The following NR2C2 variants were observed in gnomAD, a reference collection of about 807,000 sequenced individuals.
NR2C2 encodes Nuclear hormone receptor TR4.
A neutral mutation model predicts 62.9 loss-of-function variants in NR2C2; 6 were observed. That is an observed-to-expected ratio of 0.10 (90% CI 0.05 to 0.19). The LOEUF is 0.19. Ranked by LOEUF, NR2C2 falls within the 10% of genes least tolerant of loss-of-function variation. The pLI, the probability that NR2C2 is intolerant of heterozygous loss-of-function variation, is 1.00. For missense variants in NR2C2, 479 were observed against 762.7 expected, an observed-to-expected ratio of 0.63 and a Z score of 4.38; for synonymous variants, 272 against 273.8, an observed-to-expected ratio of 0.99 and a Z score of 0.07.
intron 3 of NR2C2, among the ~76,000 whole-genome samples, 183 bp downstream of exon 3, chr3:15,013,972 G>A (rs567919230): frequency 3.9e-5 from 6 of 152,312 alleles, no homozygotes; most frequent in African/African-American, 1.2e-4. Context: ...AGGCCCAGAA[G>A]ACAGTCAACT....
In NR2C2 at chr3:15,012,382, C is replaced by T. The variant is rs540943777; in HGVS notation, c.73-1207C>T. On this transcript the variant is annotated intron_variant, in intron 2 of 13. Transcript: ENST00000425241. Reference sequence around the variant, plus strand: ...CTGGGACTACAGGCGCCCATCACCACGCCCAGCTAATTTTTGTATTTTTAG... The same window carrying T: ...CTGGGACTACAGGCGCCCATCACCATGCCCAGCTAATTTTTGTATTTTTAG... 7.2e-5 allele frequency among the ~76,000 whole-genome samples: 11 copies of T among 152,186 alleles called. No homozygotes were observed. The South Asian group carries it at 1.2e-3, about 17-fold the overall frequency.
chr3:14,999,712 T>C (rs955408010), intron 1 of NR2C2, among the ~76,000 whole-genome samples: 2 of 152,178 alleles, frequency 1.3e-5, no homozygotes, highest in Admixed American at 6.5e-5. Context: ...TCCAGATTTG[T>C]TCCCCTGCAT....
At chr3:15,028,471 A>G in intron 7 of NR2C2, 115 bp from the exon 8 acceptor site, 1 of 881,514 alleles carries the variant, frequency 1.1e-6, no homozygotes. Context: ...GCCCCTTTGT[A>G]GTCACACTTC....
chr3:14,950,211 C>T (rs542559082), intron 1 of NR2C2, among the ~76,000 whole-genome samples: 11 of 151,720 alleles, frequency 7.3e-5, no homozygotes, highest in African/African-American at 1.2e-4. Flanking sequence ...ATTCGAACAC[C>T]GAGATTCTAG....
chr3:15,013,426 A>G (rs1309592448), intron 2 of NR2C2, among the ~76,000 whole-genome samples, 163 bp from the exon 3 acceptor site: 1 of 152,178 alleles, frequency 6.6e-6, no homozygotes, highest in African/African-American at 2.4e-5. Flanking sequence ...AAAGCTCACT[A>G]TTGTGTTTTA....
chr3:15,023,000 T>C (rs1392792635), intron 5 of NR2C2, among the ~76,000 whole-genome samples, 200 bp from the exon 6 acceptor site: 1 of 152,192 alleles, frequency 6.6e-6, no homozygotes, highest in Non-Finnish European at 1.5e-5. Context: ...CGTGAGGTCT[T>C]TTTTATGCCT....
Position 14,981,329 on chromosome 3 carries a change from C to T in NR2C2, c.-39-22547C>T, listed in dbSNP as rs751360456. On this transcript the variant is annotated intron_variant, in intron 1 of 13. Transcript: ENST00000425241. ...GAAAATATTAAAAAGTTAGGCCGGG[C>T]GCGGTGCCTCACGCCTGTAATCCCA... 4.6e-5 allele frequency among the ~76,000 whole-genome samples: 7 copies of T among 152,084 alleles called. No homozygotes were observed. In the South Asian group the frequency reaches 6.2e-4, roughly 14 times the overall value.
chr3:14,973,626 G>C (rs1476269340), intron 1 of NR2C2, among the ~76,000 whole-genome samples: 1 of 152,090 alleles, frequency 6.6e-6, no homozygotes, highest in Non-Finnish European at 1.5e-5. Flanking sequence ...TAAGGAGTCT[G>C]ACTTCTTTCT....
chr3:14,959,257 A>G (rs1444576691), intron 1 of NR2C2: 1 of 152,182 alleles, frequency 6.6e-6, no homozygotes, highest in Non-Finnish European at 1.5e-5. Flanking sequence ...TTAAATGTCC[A>G]CGCTGCCCCA....
At chr3:15,019,891 T>C (rs2041621840) in intron 4 of NR2C2, among the ~76,000 whole-genome samples, 1 of 152,172 alleles carries the variant, frequency 6.6e-6, no homozygotes, top group South Asian at 2.1e-4. Context: ...ATAAAATACC[T>C]AGAAGAAAGG....
chr3:14,976,939 AGTCAT>A (rs916574712), intron 1 of NR2C2, among the ~76,000 whole-genome samples: 8 of 152,052 alleles, frequency 5.3e-5, no homozygotes, highest in African/African-American at 1.9e-4. Flanking sequence ...TGAAATATAC[AGTCAT>A]GTCCTGTAGT....
rs576770949 is a variant in NR2C2, at chr3:15,036,060, C to T, written c.1372+1251C>T. On this transcript the variant is annotated intron_variant, in intron 11 of 13. Coordinates refer to ENST00000425241, the MANE Select transcript of NR2C2 (RefSeq NM_001291694.2). ...CAAAAATTAGCCGGGCATGGTGGCG[C>T]ATGCCTGTAATTCCAGCTACTCGGG... 2.6e-4 allele frequency among the ~76,000 whole-genome samples: 40 copies of T among 151,182 alleles called. No homozygotes were observed. In the South Asian group the frequency reaches 7.3e-3, roughly 28 times the overall value.
intron 1 of NR2C2, among the ~76,000 whole-genome samples, chr3:14,972,099 C>T (rs1417277326): frequency 6.0e-5 from 9 of 150,876 alleles, no homozygotes; most frequent in East Asian, 3.9e-4. Flanking sequence ...CATGAGCCAC[C>T]GTGCCCAGCC....
intron 4 of NR2C2, 73 bp downstream of exon 4, chr3:15,016,327 G>A (rs2041510983): frequency 9.0e-7 from 1 of 1,111,660 alleles, no homozygotes; most frequent in South Asian, 1.3e-5. Context: ...AGGTGGGGTG[G>A]TAGTTAATTT....
chr3:14,977,537 T>G (rs576475670), intron 1 of NR2C2, among the ~76,000 whole-genome samples: 2 of 152,296 alleles, frequency 1.3e-5, no homozygotes, highest in East Asian at 3.9e-4. Context: ...TAATTGCAGT[T>G]TTTTATTCTG....
At chr3:15,033,398 C>T (rs1036893993) in intron 10 of NR2C2, among the ~76,000 whole-genome samples, 6 of 152,148 alleles carry the variant, frequency 3.9e-5, no homozygotes, top group African/African-American at 1.2e-4. Flanking sequence ...GCCTGGCATG[C>T]AAGGGACTCA....
At chr3:15,006,997 A>G (rs920384702) in intron 2 of NR2C2, among the ~76,000 whole-genome samples, 1 of 150,818 alleles carries the variant, frequency 6.6e-6, no homozygotes, top group African/African-American at 2.4e-5. Flanking sequence ...CTGGTCTCGA[A>G]CTCCTGACCT....
intron 3 of NR2C2, 24 bp downstream of exon 3, chr3:15,013,813 G>A: frequency 1.2e-6 from 2 of 1,610,934 alleles, no homozygotes; most frequent in East Asian, 2.2e-5. Flanking sequence ...ACAGGTATTT[G>A]TTTCAGCACT....
At chr3:14,995,668 CGTGTGTGT>C (rs58878848) in intron 1 of NR2C2, among the ~76,000 whole-genome samples, 4 of 148,526 alleles carry the variant, frequency 2.7e-5, no homozygotes, top group African/African-American at 5.0e-5. Context: ...GTTTTCATTA[CGTGTGTGT>C]GTGTGTGTGT....
Sources: allele counts gnomAD v4.1 joint callset (sites outside exome capture counted in the v4.1 genomes callset), GRCh38; gene constraint gnomAD v4.1.1; transcripts MANE v1.5; gene names NCBI Gene and HGNC (gene_info 2026-07-23, HGNC 2026-07-21).